The following FAAH2 variants were observed in gnomAD, a reference collection of about 807,000 sequenced individuals.
FAAH2 encodes the protein fatty acid amide hydrolase 2, also known as fatty-acid amide hydrolase 2.
Under a neutral mutation model 36.9 loss-of-function variants are expected in FAAH2, and 60 were observed. The ratio of observed to expected loss-of-function variants is 1.63; its 90% CI spans 1.32 to 2.02. The LOEUF (loss-of-function observed/expected upper bound fraction) is 2.02, where lower values mean the gene tolerates loss of function less well. FAAH2 is among the 30% of genes most tolerant of loss of function. The pLI, the probability that FAAH2 is intolerant of heterozygous loss-of-function variation, is 0.00. For synonymous variants in FAAH2, 214 were observed against 143.8 expected, an observed-to-expected ratio of 1.49 and a Z score of -3.49; for missense variants, 689 against 397.5, an observed-to-expected ratio of 1.73 and a Z score of -6.23.
At chrX:57,208,981 G>A in the FAAH2 span, among the ~76,000 whole-genome samples, 2 of 111,767 alleles carry the variant, frequency 1.8e-5, no homozygotes, top group East Asian at 5.7e-4. Context: ...ATTTCACAGT[G>A]CTGCAGAGAT....
chrX:57,366,787 C>A (rs1244940694), intron 5 of FAAH2, among the ~76,000 whole-genome samples: 2 of 112,383 alleles, frequency 1.8e-5, no homozygotes, highest in Non-Finnish European at 3.8e-5. Flanking sequence ...CTAGGCAGGA[C>A]CCTGGCAGAG....
At chrX:57,195,368 C>T in the FAAH2 span, among the ~76,000 whole-genome samples, 1 of 111,710 alleles carries the variant, frequency 9.0e-6, no homozygotes, top group East Asian at 2.8e-4. Flanking sequence ...TGATGATGTG[C>T]ATTTTATAGC....
the FAAH2 span, among the ~76,000 whole-genome samples, chrX:57,147,589 C>A: frequency 8.1e-5 from 9 of 111,304 alleles, no homozygotes; most frequent in Non-Finnish European, 1.7e-4. Flanking sequence ...TATTTCTTTT[C>A]TTCTGCTGTG....
In FAAH2 at chrX:57,390,241, C is replaced by A. The variant is rs188145496; in HGVS notation, c.996+9212C>A. Among the ~76,000 whole-genome samples, 11 of 111,940 alleles carry A rather than the reference C, an allele frequency of 9.8e-5. No homozygotes were observed. The East Asian group carries it at 2.8e-3, about 28-fold the overall frequency. On this transcript the variant is annotated intron_variant, in intron 7 of 10. Transcript: ENST00000374900. ...TTATTAGCCTGTGCTTTCGGAGATA[C>A]ATGCAAAAAACAATTGCCAAGACCA... is the stretch of plus-strand genomic sequence containing the variant.
chrX:57,454,776 G>T (rs1218880345), intron 10 of FAAH2, among the ~76,000 whole-genome samples: 1 of 111,427 alleles, frequency 9.0e-6, no homozygotes, highest in African/African-American at 3.3e-5. Context: ...TTTTGAAAAT[G>T]AAAAAATCCT....
chrX:57,225,059 T>C, the FAAH2 span, among the ~76,000 whole-genome samples: 2 of 112,146 alleles, frequency 1.8e-5, no homozygotes, highest in Admixed American at 9.4e-5. Context: ...TTGCTAATGG[T>C]CTCTCAATTT....
chrX:57,205,204 C>G, the FAAH2 span, among the ~76,000 whole-genome samples: 1,778 of 112,761 alleles, frequency 0.016, 18 homozygotes, highest in Non-Finnish European at 0.023. Context: ...TACCATTTTG[C>G]AAGTTGGACA....
In FAAH2 at chrX:57,328,017, G is replaced by T. The variant is rs745860586; in HGVS notation, c.413-3581G>T. Among the ~76,000 whole-genome samples the T allele has an allele frequency of 5.4e-5, 6 of 111,655 alleles. No homozygotes were observed. In the East Asian group the frequency reaches 1.7e-3, roughly 32 times the overall value. ...TGATGTGATGTACAGATGGGTTTTTGGTGTGGATGTCCTTTTTATTTGTTA... is the reference window on the plus strand; with the variant it reads ...TGATGTGATGTACAGATGGGTTTTTTGTGTGGATGTCCTTTTTATTTGTTA... On this transcript the variant is annotated intron_variant, in intron 3 of 10. Coordinates refer to ENST00000374900, the MANE Select transcript of FAAH2 (RefSeq NM_174912.4).
intron 3 of FAAH2, among the ~76,000 whole-genome samples, chrX:57,328,023 G>A (rs180926185): frequency 5.9e-4 from 66 of 111,726 alleles, no homozygotes; most frequent in Non-Finnish European, 1.0e-3. Flanking sequence ...TTTTGGTGTG[G>A]ATGTCCTTTT....
At chrX:57,295,716 G>T (rs1241357225) in intron 2 of FAAH2, among the ~76,000 whole-genome samples, 1 of 112,173 alleles carries the variant, frequency 8.9e-6, no homozygotes, top group Non-Finnish European at 1.9e-5. Context: ...GTCAAAGAAA[G>T]GGGTGACAGA....
At chrX:57,350,866 G>A (rs1222730280) in intron 5 of FAAH2, among the ~76,000 whole-genome samples, 3 of 111,237 alleles carry the variant, frequency 2.7e-5, no homozygotes, top group Non-Finnish European at 5.7e-5. Flanking sequence ...ACCAAAAGAG[G>A]AGATAGATTG....
At chrX:57,382,910 C>A (rs746482411) in intron 7 of FAAH2, among the ~76,000 whole-genome samples, 7 of 111,518 alleles carry the variant, frequency 6.3e-5, no homozygotes, top group Non-Finnish European at 1.3e-4. Context: ...TGATGAACAT[C>A]GATGCAAAAA....
intron 7 of FAAH2, among the ~76,000 whole-genome samples, chrX:57,419,425 T>A (rs2055944319): frequency 8.9e-6 from 1 of 112,024 alleles, no homozygotes; most frequent in Non-Finnish European, 1.9e-5. Context: ...TGGTGTGAGA[T>A]GATATCTCAT....
intron 8 of FAAH2, among the ~76,000 whole-genome samples, chrX:57,437,584 T>C (rs181061947): frequency 6.0e-4 from 65 of 108,162 alleles, no homozygotes; most frequent in Non-Finnish European, 1.1e-3. Flanking sequence ...TTTACACCAA[T>C]AAAAGTGTAG....
At chrX:57,342,098 T>C (rs1366984250) in intron 5 of FAAH2, among the ~76,000 whole-genome samples, 1 of 111,789 alleles carries the variant, frequency 8.9e-6, no homozygotes, top group African/African-American at 3.2e-5. Context: ...ATCATAAAAA[T>C]ATGCTAAGAA....
chrX:57,304,127 A>G (rs1228649944), intron 2 of FAAH2, among the ~76,000 whole-genome samples: 2 of 111,907 alleles, frequency 1.8e-5, no homozygotes, highest in African/African-American at 6.5e-5. Context: ...GAATTGCTTG[A>G]GCCCAGGAGG....
the FAAH2 span, among the ~76,000 whole-genome samples, chrX:57,186,528 T>C: frequency 6.2e-5 from 7 of 112,418 alleles, no homozygotes; most frequent in African/African-American, 2.3e-4. Context: ...TTCACTTTGA[T>C]AACAGTTTCT....
At chrX:57,215,367 G>A in the FAAH2 span, among the ~76,000 whole-genome samples, 1 of 111,734 alleles carries the variant, frequency 8.9e-6, no homozygotes. Context: ...ACTGTTGGTG[G>A]GAATGTAAAT....
chrX:57,483,595 G>A (rs1300168774), intron 10 of FAAH2, among the ~76,000 whole-genome samples: 1 of 109,994 alleles, frequency 9.1e-6, no homozygotes, highest in East Asian at 2.9e-4. Flanking sequence ...TTTTCATGGT[G>A]CCAGATTTCT....
Sources: gnomAD v4.1 joint callset for allele counts (sites outside exome capture counted in the v4.1 genomes callset) on GRCh38, gnomAD v4.1.1 for gene constraint, MANE v1.5 for transcripts, NCBI Gene and HGNC (gene_info 2026-07-23, HGNC 2026-07-21) for gene names.